RTL4: variants seen among roughly 807,000 people sequenced by gnomAD.
RTL4 encodes the protein retrotransposon Gag-like protein 4.
A neutral mutation model predicts 5.3 loss-of-function variants in RTL4; 4 were observed. The ratio of observed to expected loss-of-function variants is 0.75; its 90% CI spans 0.37 to 1.72. The LOEUF is 1.72. RTL4 is among the 40% of genes most tolerant of loss of function. The pLI is 0.04. For missense variants in RTL4, 260 were observed against 227.1 expected, an observed-to-expected ratio of 1.14 and a Z score of -0.93; for synonymous variants, 98 against 87.3, an observed-to-expected ratio of 1.12 and a Z score of -0.68.
At chrX:112,300,541 G>A in the RTL4 span, among the ~76,000 whole-genome samples, 3 of 112,122 alleles carry the variant, frequency 2.7e-5, no homozygotes, top group Non-Finnish European at 3.8e-5. Context: ...GATAGAAACT[G>A]AGCATGCATG....
chrX:112,330,114 C>A, the RTL4 span, among the ~76,000 whole-genome samples: 1 of 97,896 alleles, frequency 1.0e-5, no homozygotes, highest in Non-Finnish European at 2.0e-5. Context: ...CAGGGATGCC[C>A]TCTCTCACCA....
the RTL4 span, among the ~76,000 whole-genome samples, chrX:112,287,282 G>GA: frequency 9.0e-6 from 1 of 111,416 alleles, no homozygotes; most frequent in Non-Finnish European, 1.9e-5. Context: ...TAGGCATAAG[G>GA]AAAAAACTCC....
At chrX:112,387,028 A>AT in the RTL4 span, among the ~76,000 whole-genome samples, 2 of 104,672 alleles carry the variant, frequency 1.9e-5, no homozygotes, top group East Asian at 2.9e-4. Flanking sequence ...TTTTTTTTTT[A>AT]TTTTTTTGAT....
chrX:112,118,318 A>G, the RTL4 span, among the ~76,000 whole-genome samples: 1 of 111,910 alleles, frequency 8.9e-6, no homozygotes. Flanking sequence ...GTGTTGAAGA[A>G]ACCACTTCCA....
chrX:112,171,995 A>G, the RTL4 span, among the ~76,000 whole-genome samples: 2 of 112,317 alleles, frequency 1.8e-5, no homozygotes, highest in African/African-American at 3.2e-5. Flanking sequence ...GTGTAGAAGG[A>G]ACTTAAACAA....
the RTL4 span, among the ~76,000 whole-genome samples, chrX:112,144,994 T>C: frequency 9.0e-6 from 1 of 111,201 alleles, no homozygotes; most frequent in African/African-American, 3.3e-5. Context: ...TATCTATGGT[T>C]CTACAAGTCC....
At chrX:112,120,828 T>C in the RTL4 span, among the ~76,000 whole-genome samples, 9 of 111,908 alleles carry the variant, frequency 8.0e-5, no homozygotes, top group Non-Finnish European at 1.7e-4. Context: ...AAATTATGTA[T>C]GTGCATTTCA....
the RTL4 span, among the ~76,000 whole-genome samples, chrX:112,327,118 C>T: frequency 9.8e-5 from 11 of 112,319 alleles, no homozygotes; most frequent in Non-Finnish European, 1.3e-4. Context: ...TCCAAAGGAA[C>T]GCAGTTCCTC....
the RTL4 span, among the ~76,000 whole-genome samples, chrX:112,265,993 C>T: frequency 2.7e-5 from 3 of 110,689 alleles, no homozygotes; most frequent in Non-Finnish European, 5.7e-5. Flanking sequence ...TCTGCTGCTT[C>T]TTCAGTTTGA....
chrX:112,094,374 G>A, the RTL4 span, among the ~76,000 whole-genome samples: 2 of 110,877 alleles, frequency 1.8e-5, no homozygotes, highest in Non-Finnish European at 3.8e-5. Flanking sequence ...TGTATCTTAG[G>A]GGGAGAATAT....
At chrX:112,437,923 G>A in the RTL4 span, among the ~76,000 whole-genome samples, 1 of 109,384 alleles carries the variant, frequency 9.1e-6, no homozygotes, top group Non-Finnish European at 1.9e-5. Flanking sequence ...TTCTTTTAGC[G>A]CTGTTGTAGG....
the RTL4 span, among the ~76,000 whole-genome samples, chrX:112,113,420 G>A: frequency 8.9e-6 from 1 of 111,836 alleles, no homozygotes; most frequent in South Asian, 3.8e-4. Flanking sequence ...TACAACTGAG[G>A]AGGTGGGAGA....
chrX:112,415,326 G>A, the RTL4 span, among the ~76,000 whole-genome samples: 1 of 106,080 alleles, frequency 9.4e-6, no homozygotes, highest in Non-Finnish European at 1.9e-5. Context: ...TTTATTTCTG[G>A]CTTCTTTCAT....
At chrX:112,182,665 A>T in the RTL4 span, among the ~76,000 whole-genome samples, 1 of 112,294 alleles carries the variant, frequency 8.9e-6, no homozygotes, top group East Asian at 2.8e-4. Flanking sequence ...ATATGGGACT[A>T]TGTGAAAAGA....
chrX:112,325,093 G>C, the RTL4 span, among the ~76,000 whole-genome samples: 1 of 111,232 alleles, frequency 9.0e-6, no homozygotes, highest in African/African-American at 3.3e-5. Context: ...AACTTACAAG[G>C]GATGTGAAGG....
chrX:112,299,366 C>T, the RTL4 span, among the ~76,000 whole-genome samples: 2 of 112,516 alleles, frequency 1.8e-5, no homozygotes, highest in African/African-American at 6.5e-5. Flanking sequence ...TATGAAGTGT[C>T]TTTTAACTAT....
the RTL4 span, among the ~76,000 whole-genome samples, chrX:112,246,080 C>A: frequency 1.8e-5 from 2 of 112,031 alleles, no homozygotes; most frequent in African/African-American, 6.5e-5. Flanking sequence ...CCTGATCCTT[C>A]CTCTGGAAGC....
chrX:112,457,353 C>T (rs768079315), downstream of RTL4, among the ~76,000 whole-genome samples: 6 of 112,018 alleles, frequency 5.4e-5, no homozygotes, highest in Non-Finnish European at 9.4e-5. Flanking sequence ...CAACAGAGAC[C>T]TGAGTTAACA....
At chrX:112,331,580 C>T in the RTL4 span, among the ~76,000 whole-genome samples, 2 of 106,230 alleles carry the variant, frequency 1.9e-5, no homozygotes, top group Admixed American at 2.1e-4. Flanking sequence ...CTAGTTCAAC[C>T]ATTGTGGAAG....
Sources: gnomAD v4.1 joint callset for allele counts (sites outside exome capture counted in the v4.1 genomes callset) on GRCh38, gnomAD v4.1.1 for gene constraint, MANE v1.5 for transcripts, NCBI Gene and HGNC (gene_info 2026-07-23, HGNC 2026-07-21) for gene names.